The following ADGRL3 variants were observed in gnomAD, a reference collection of about 807,000 sequenced individuals.
ADGRL3 encodes the protein calcium-independent alpha-latrotoxin receptor 3.
ADGRL3 carries 62 observed loss-of-function variants against 153.5 expected under a neutral mutation model. That is an observed-to-expected ratio of 0.40 (90% CI 0.33 to 0.50). ADGRL3 has a LOEUF of 0.50. ADGRL3 is among the 20% of genes least tolerant of loss of function. The probability of loss-of-function intolerance (pLI) is 0.47; values close to 1 mark genes in which losing one functional copy is unlikely to be tolerated. For missense variants in ADGRL3, 1,641 were observed against 1,859.4 expected (o/e 0.88, Z 2.16); for synonymous variants, 710 against 672.5 (o/e 1.06, Z -0.86).
At chr4:62,005,963 C>T (rs1381199791) in intron 21 of ADGRL3, among the ~76,000 whole-genome samples, 2 of 75,760 alleles carry the variant, frequency 2.6e-5, no homozygotes, top group South Asian at 1.2e-3. Flanking sequence ...CATATATATA[C>T]ACATACACAC....
intron 1 of ADGRL3, among the ~76,000 whole-genome samples, chr4:61,264,414 C>T (rs1228220541): frequency 6.6e-6 from 1 of 151,936 alleles, no homozygotes; most frequent in Non-Finnish European, 1.5e-5. Flanking sequence ...TTAGGTTTTT[C>T]TCAAAGTGAT....
At chr4:61,987,466 T>G (rs1003395909) in intron 19 of ADGRL3, among the ~76,000 whole-genome samples, 1 of 152,098 alleles carries the variant, frequency 6.6e-6, no homozygotes, top group Non-Finnish European at 1.5e-5. Flanking sequence ...TGAGCCACCA[T>G]GCCCAGCCTG....
intron 5 of ADGRL3, among the ~76,000 whole-genome samples, chr4:61,598,189 C>T (rs952881899): frequency 2.0e-5 from 3 of 151,802 alleles, no homozygotes; most frequent in Non-Finnish European, 4.4e-5. Flanking sequence ...TAACAACAAA[C>T]ATATGTAGTA....
chr4:61,582,378 T>C (rs1846160), intron 4 of ADGRL3, among the ~76,000 whole-genome samples: 90,175 of 151,606 alleles, frequency 0.59, 28,472 homozygotes, highest in African/African-American at 0.81. Context: ...GTGTTGTTCC[T>C]CTCCCTGTCT....
intron 6 of ADGRL3, among the ~76,000 whole-genome samples, chr4:61,725,594 CA>C (rs778455872): frequency 4.5e-4 from 29 of 65,164 alleles, no homozygotes; most frequent in Admixed American, 4.1e-4. Context: ...GACTTCATCT[CA>C]AAAAAAAAAA....
intron 13 of ADGRL3, among the ~76,000 whole-genome samples, chr4:61,930,524 T>G (rs2150093497): frequency 6.6e-6 from 1 of 152,314 alleles, no homozygotes; most frequent in African/African-American, 2.4e-5. Context: ...AAACTCTGTA[T>G]TTTGAAATAT....
At chr4:61,969,000 A>T (rs1300080095) in intron 17 of ADGRL3, among the ~76,000 whole-genome samples, 1 of 152,124 alleles carries the variant, frequency 6.6e-6, no homozygotes, top group African/African-American at 2.4e-5. Context: ...TAGAGGGAAC[A>T]TGGTTTTGCT....
intron 2 of ADGRL3, among the ~76,000 whole-genome samples, chr4:61,442,211 A>G (rs1005955627): frequency 6.6e-6 from 1 of 152,174 alleles, no homozygotes; most frequent in Non-Finnish European, 1.5e-5. Flanking sequence ...TTTGTATGGA[A>G]GAGTTATATC....
At chr4:61,481,830 T>C (rs1428771022) in intron 2 of ADGRL3, among the ~76,000 whole-genome samples, 1 of 152,130 alleles carries the variant, frequency 6.6e-6, no homozygotes, top group Non-Finnish European at 1.5e-5. Context: ...ATCTTCTCTT[T>C]AACATTTTTA....
intron 9 of ADGRL3, among the ~76,000 whole-genome samples, chr4:61,849,809 C>A (rs2098180294): frequency 6.6e-6 from 1 of 152,040 alleles, no homozygotes; most frequent in South Asian, 2.1e-4. Flanking sequence ...TAACCAAACC[C>A]ATTTAGTTTA....
At chr4:62,007,232 A>G (rs1170127410) in intron 21 of ADGRL3, among the ~76,000 whole-genome samples, 3 of 150,312 alleles carry the variant, frequency 2.0e-5, no homozygotes, top group Non-Finnish European at 3.0e-5. Flanking sequence ...CTGGTATCAC[A>G]TGTCTGAATC....
chr4:61,961,267 C>A (rs1006611782), intron 17 of ADGRL3, among the ~76,000 whole-genome samples: 1 of 152,144 alleles, frequency 6.6e-6, no homozygotes, highest in Non-Finnish European at 1.5e-5. Flanking sequence ...CTTGCTTTCC[C>A]TCCTTCTGTG....
intron 24 of ADGRL3, among the ~76,000 whole-genome samples, chr4:62,042,104 C>T (rs1286474164): frequency 1.3e-5 from 2 of 151,884 alleles, no homozygotes; most frequent in Non-Finnish European, 2.9e-5. Flanking sequence ...GATGTATATG[C>T]ACACACATGC....
At chr4:62,033,319 A>G (rs1018368705) in intron 23 of ADGRL3, among the ~76,000 whole-genome samples, 1 of 151,824 alleles carries the variant, frequency 6.6e-6, no homozygotes, top group Non-Finnish European at 1.5e-5. Flanking sequence ...AGGGAGACAG[A>G]AAAACATAGT....
chr4:62,037,960 T>G (rs1168382514), intron 24 of ADGRL3, 104 bp downstream of exon 24: 1 of 1,286,726 alleles, frequency 7.8e-7, no homozygotes, highest in Admixed American at 1.9e-5. Context: ...ACATCGTTTG[T>G]TTTTGTTGTT....
chr4:61,758,890 C>G (rs549218070), intron 8 of ADGRL3, among the ~76,000 whole-genome samples: 13 of 152,306 alleles, frequency 8.5e-5, no homozygotes, highest in African/African-American at 2.9e-4. Flanking sequence ...GACAGAATCT[C>G]TCAGCATTTG....
chr4:61,932,731 G>A (rs746140482), intron 13 of ADGRL3, among the ~76,000 whole-genome samples: 3 of 152,076 alleles, frequency 2.0e-5, no homozygotes, highest in Non-Finnish European at 4.4e-5. Flanking sequence ...TTTGGAGTTT[G>A]AGAAGGACTG....
At chr4:61,503,806 T>C (rs539020090) in intron 3 of ADGRL3, among the ~76,000 whole-genome samples, 51 of 152,300 alleles carry the variant, frequency 3.3e-4, no homozygotes, top group African/African-American at 1.2e-3. Flanking sequence ...TTTTGATACA[T>C]GCATACAGTC....
At chr4:61,590,423 A>C (rs2098964815) in intron 5 of ADGRL3, among the ~76,000 whole-genome samples, 1 of 152,060 alleles carries the variant, frequency 6.6e-6, no homozygotes, top group Non-Finnish European at 1.5e-5. Flanking sequence ...TAAATATGAA[A>C]ATTACAGTTT....
Sources: gnomAD v4.1 joint callset for allele counts (sites outside exome capture counted in the v4.1 genomes callset) on GRCh38, gnomAD v4.1.1 for gene constraint, MANE v1.5 for transcripts, NCBI Gene and HGNC (gene_info 2026-07-23, HGNC 2026-07-21) for gene names.